FBP1: variants seen among roughly 807,000 people sequenced by gnomAD.
The protein encoded by FBP1 is fructose-bisphosphatase 1.
In FBP1, 22 loss-of-function variants were observed where a neutral mutation model predicts 29.9. The ratio of observed to expected loss-of-function variants is 0.74; its 90% CI spans 0.53 to 1.05. FBP1 has a LOEUF of 1.05. Among genes scored for constraint, FBP1 ranks in the 50% least tolerant of loss-of-function variants. The pLI, the probability that FBP1 is intolerant of heterozygous loss-of-function variation, is 0.00. For missense variants in FBP1, 345 were observed against 448.2 expected, an observed-to-expected ratio of 0.77 and a Z score of 2.08; for synonymous variants, 175 against 178.6, an observed-to-expected ratio of 0.98 and a Z score of 0.16.
intron 1 of FBP1, among the ~76,000 whole-genome samples, chr9:94,633,928 G>A (rs971894666): frequency 6.6e-6 from 1 of 150,964 alleles, no homozygotes; most frequent in Non-Finnish European, 1.5e-5. Context: ...GGATGGTCTC[G>A]ATCTCCTGAC....
intron 3 of FBP1, among the ~76,000 whole-genome samples, chr9:94,613,502 T>C (rs1280825794): frequency 1.3e-5 from 2 of 150,914 alleles, no homozygotes; most frequent in Non-Finnish European, 3.0e-5. Context: ...CCGTGGCTCA[T>C]GCCCGTAATC....
intron 3 of FBP1, among the ~76,000 whole-genome samples, chr9:94,613,944 G>C (rs1827824595): frequency 6.6e-6 from 1 of 151,174 alleles, no homozygotes; most frequent in Non-Finnish European, 1.5e-5. Context: ...AGCCAAGCGT[G>C]GTGGCGGGCG....
intron 3 of FBP1, among the ~76,000 whole-genome samples, chr9:94,614,324 A>C (rs1827831791): frequency 6.6e-6 from 1 of 151,346 alleles, no homozygotes; most frequent in Admixed American, 6.6e-5. Flanking sequence ...GCGGATCACG[A>C]GGTCAGGAGA....
At chr9:94,625,401 G>C (rs1386361545) in intron 1 of FBP1, among the ~76,000 whole-genome samples, 1 of 152,206 alleles carries the variant, frequency 6.6e-6, no homozygotes, top group Non-Finnish European at 1.5e-5. Context: ...GCACCTGCAT[G>C]GACAGGGCGG....
intron 2 of FBP1, among the ~76,000 whole-genome samples, chr9:94,619,589 T>A (rs572271690): frequency 6.6e-6 from 1 of 152,020 alleles, no homozygotes; most frequent in East Asian, 1.9e-4. Context: ...AAAGCAGAGA[T>A]AACGCCAGGT....
rs775805059 is a variant in FBP1 at position 94,639,134 on chromosome 9, G to C, written c.170+7C>G. The C allele has an allele frequency of 6.3e-7, 1 of 1,593,096 alleles. No individual in the cohort carries two copies. Among genetic ancestry groups the C allele is most frequent in the African/African-American group, 1.3e-5 (1 of 74,482 alleles). ...GGACGGGGCCCACCGCCCAAGGCCC[G>C]ACTCACAGGTGCGCGATGCCCGCCT... On this transcript the variant is annotated splice_region_variant and intron_variant, in intron 1 of 6. Transcript: ENST00000375326.
chr9:94,637,467 C>T (rs921266451), intron 1 of FBP1, among the ~76,000 whole-genome samples: 8 of 150,412 alleles, frequency 5.3e-5, no homozygotes, highest in African/African-American at 2.0e-4. Context: ...GATGCGATCT[C>T]GGCTCACTGC....
At chr9:94,613,630 T>G (rs1213098742) in intron 3 of FBP1, among the ~76,000 whole-genome samples, 1 of 151,914 alleles carries the variant, frequency 6.6e-6, no homozygotes, top group African/African-American at 2.4e-5. Flanking sequence ...TAGCCAGGTG[T>G]GGTGGTGCAC....
At chr9:94,607,027 T>C in intron 4 of FBP1, 75 bp from the exon 5 acceptor site, 1 of 1,597,940 alleles carries the variant, frequency 6.3e-7, no homozygotes. Context: ...AGGCGAGCGA[T>C]GGGCTGGGCT....
chr9:94,634,169 G>A (rs1370828082), intron 1 of FBP1, among the ~76,000 whole-genome samples: 6 of 151,386 alleles, frequency 4.0e-5, no homozygotes, highest in Middle Eastern at 3.4e-3. Flanking sequence ...GGTGGTGGGC[G>A]CCTGTAATCC....
At chr9:94,619,954 T>C (rs183534367) in intron 2 of FBP1, among the ~76,000 whole-genome samples, 1 of 146,588 alleles carries the variant, frequency 6.8e-6, no homozygotes, top group East Asian at 2.0e-4. Context: ...GGGATGGAAG[T>C]TTCAAGCAGT....
intron 6 of FBP1, 38 bp downstream of exon 6, chr9:94,605,419 A>G: frequency 1.2e-6 from 2 of 1,608,736 alleles, no homozygotes; most frequent in Non-Finnish European, 1.7e-6. Context: ...CTGCAAGTGA[A>G]ATCTGCTCCT....
In FBP1 at chr9:94,603,388, G is replaced by A; in HGVS notation, c.1010C>T (p.Ala337Val). 11 of 1,613,326 alleles carry A rather than the reference G, an allele frequency of 6.8e-6. No individual in the cohort carries two copies. Among genetic ancestry groups the A allele is most frequent in the Non-Finnish European group, 9.3e-6 (11 of 1,179,646 alleles). Reference sequence around the variant, plus strand: ...TGCAGGCAGGGCAGGTGCTCACTGGGCAGAGTGCTTCTCATACACCTTCAG... The same window carrying A: ...TGCAGGCAGGGCAGGTGCTCACTGGACAGAGTGCTTCTCATACACCTTCAG... ...EFLKVYEKHS[A>V]Q The change falls in exon 7 of 7, where the codon GCC becomes GTC. Residue 337 changes from alanine (A) to valine (V), a missense_variant. Physicochemically the swap from Ala to Val is moderately conservative, Grantham distance 64. Coordinates refer to ENST00000375326, the MANE Select transcript of FBP1 (RefSeq NM_000507.4).
chr9:94,623,705 A>T (rs1196806908), intron 1 of FBP1, among the ~76,000 whole-genome samples: 1 of 152,190 alleles, frequency 6.6e-6, no homozygotes, highest in Non-Finnish European at 1.5e-5. Flanking sequence ...ATCTTCCTAG[A>T]CAGCTATCTG....
intron 1 of FBP1, among the ~76,000 whole-genome samples, chr9:94,625,629 A>G (rs1828013633): frequency 1.3e-5 from 2 of 152,206 alleles, no homozygotes; most frequent in South Asian, 4.1e-4. Flanking sequence ...CCCCGTCTCT[A>G]CTAAAAATAC....
intron 1 of FBP1, among the ~76,000 whole-genome samples, chr9:94,637,663 T>G (rs1828212082): frequency 6.6e-6 from 1 of 152,060 alleles, no homozygotes; most frequent in African/African-American, 2.4e-5. Flanking sequence ...AGTGCTGGGA[T>G]GACAGGCTAG....
At chr9:94,628,207 C>T (rs560663602) in intron 1 of FBP1, among the ~76,000 whole-genome samples, 1 of 152,028 alleles carries the variant, frequency 6.6e-6, no homozygotes, top group South Asian at 2.1e-4. Flanking sequence ...CCAACATGGT[C>T]AAAGCCCACC....
intron 5 of FBP1, 85 bp from the exon 6 acceptor site, chr9:94,605,661 A>C: frequency 7.5e-7 from 1 of 1,336,930 alleles, no homozygotes; most frequent in Non-Finnish European, 1.1e-6. Flanking sequence ...CTTTGATTCC[A>C]CATCCATTCA....
At chr9:94,631,971 C>A (rs1179154419) in intron 1 of FBP1, among the ~76,000 whole-genome samples, 3 of 152,024 alleles carry the variant, frequency 2.0e-5, no homozygotes, top group African/African-American at 7.2e-5. Context: ...TGGCTGTCTG[C>A]GCTTCTTTTA....
Sources: gnomAD v4.1 joint callset for allele counts (sites outside exome capture counted in the v4.1 genomes callset) on GRCh38, gnomAD v4.1.1 for gene constraint, MANE v1.5 for transcripts, NCBI Gene and HGNC (gene_info 2026-07-23, HGNC 2026-07-21) for gene names.